Variants in TENM3 observed in about 807,000 individuals in gnomAD.
TENM3 encodes the protein teneurin-3.
Under a neutral mutation model 255.1 loss-of-function variants are expected in TENM3, and 63 were observed. That is an observed-to-expected ratio of 0.25 (90% confidence interval 0.20 to 0.30). The LOEUF is 0.30. Among genes scored for constraint, TENM3 ranks in the 10% least tolerant of loss-of-function variants. The pLI is 1.00. For synonymous variants in TENM3, 1,306 were observed against 1,322.3 expected, an observed-to-expected ratio of 0.99 and a Z score of 0.27; for missense variants, 2,929 against 3,461.1, an observed-to-expected ratio of 0.85 and a Z score of 3.86.
At chr4:181,726,241 A>G in the TENM3 span, among the ~76,000 whole-genome samples, 1 of 152,190 alleles carries the variant, frequency 6.6e-6, no homozygotes. Context: ...CACCTACTAT[A>G]TGCTAAATGA....
At chr4:182,772,645 A>G (rs1264767348) in intron 22 of TENM3, 1 of 152,036 alleles carries the variant, frequency 6.6e-6, no homozygotes. Flanking sequence ...TCAATTCTTC[A>G]GTCAAATGTT....
the TENM3 span, among the ~76,000 whole-genome samples, chr4:181,974,756 A>T: frequency 1.1e-4 from 17 of 152,300 alleles, no homozygotes; most frequent in African/African-American, 4.1e-4. Context: ...CAGAACTGAT[A>T]TGATCTTACT....
intron 6 of TENM3, among the ~76,000 whole-genome samples, chr4:182,656,627 A>G (rs1055437385): frequency 5.7e-4 from 87 of 152,300 alleles, no homozygotes; most frequent in African/African-American, 2.0e-3. Context: ...ACCCTTGAGA[A>G]AGCTTTAGAA....
At chr4:181,648,264 T>C in the TENM3 span, among the ~76,000 whole-genome samples, 5 of 152,278 alleles carry the variant, frequency 3.3e-5, no homozygotes, top group East Asian at 1.9e-4. Context: ...CGCTAGAACA[T>C]GGAGATACGG....
chr4:181,451,309 A>G, the TENM3 span, among the ~76,000 whole-genome samples: 2 of 152,160 alleles, frequency 1.3e-5, no homozygotes, highest in African/African-American at 4.8e-5. Flanking sequence ...CAAACAGAGA[A>G]AAAAACAGGA....
the TENM3 span, among the ~76,000 whole-genome samples, chr4:181,706,006 A>C: frequency 6.6e-6 from 1 of 152,176 alleles, no homozygotes; most frequent in Non-Finnish European, 1.5e-5. Context: ...TGCTGTAACA[A>C]ATACTGGATG....
chr4:181,752,918 G>A, the TENM3 span, among the ~76,000 whole-genome samples: 3 of 152,118 alleles, frequency 2.0e-5, no homozygotes, highest in African/African-American at 7.2e-5. Flanking sequence ...CCATGTGCTG[G>A]AATGAGTTTA....
intron 3 of TENM3, among the ~76,000 whole-genome samples, chr4:182,491,465 ATTAAT>A (rs1253723157): frequency 2.0e-5 from 3 of 152,034 alleles, no homozygotes; most frequent in African/African-American, 7.2e-5. Context: ...AATGTTTTTG[ATTAAT>A]TTATATAAAC....
chr4:182,707,958 A>G (rs968321543), intron 12 of TENM3: 2 of 150,746 alleles, frequency 1.3e-5, no homozygotes, highest in African/African-American at 4.9e-5. Flanking sequence ...AGCTCCTTTC[A>G]TCAGTTTTTT....
At chr4:181,448,758 T>A in the TENM3 span, among the ~76,000 whole-genome samples, 1 of 152,214 alleles carries the variant, frequency 6.6e-6, no homozygotes, top group Admixed American at 6.5e-5. Context: ...TTGTTGGTCG[T>A]GGTGATTATG....
chr4:181,738,354 T>G, the TENM3 span, among the ~76,000 whole-genome samples: 1 of 152,210 alleles, frequency 6.6e-6, no homozygotes, highest in African/African-American at 2.4e-5. Context: ...TCTGTTCTTT[T>G]GAGCCAGAGC....
the TENM3 span, among the ~76,000 whole-genome samples, chr4:181,612,706 A>T: frequency 7.7e-3 from 1,169 of 152,240 alleles, 16 homozygotes; most frequent in African/African-American, 0.026. Context: ...TAAACCATCG[A>T]ATAGCAAGAA....
rs560307631 is a variant in TENM3 at position 182,759,384 on chromosome 4, G to C, written c.4892+4125G>C. On this transcript the variant is annotated intron_variant, in intron 22 of 27. Coordinates refer to ENST00000511685, the MANE Select transcript of TENM3 (RefSeq NM_001080477.4). ...AAACCAGAAGCTGGCATTTGCCAAC[G>C]CTCCACTGAGAGAACACCTATAAAT... Among the ~76,000 whole-genome samples, 72 of 152,306 alleles carry C rather than the reference G, an allele frequency of 4.7e-4. No individual in the cohort carries two copies. The South Asian group carries it at 0.014, about 31-fold the overall frequency.
At position 182,316,793 on chromosome 4, in the gene TENM3, C is replaced by G. The variant is rs118103130; in HGVS notation, c.-75-7153C>G. The stretch of plus-strand genomic sequence containing the variant: ...CTTTCTCCAAGTGGCTCTCTTTTCT[C>G]TAGCAACTTGTCCTGCAAATTCTTA... On this transcript the variant is annotated intron_variant, in intron 1 of 27. Coordinates refer to ENST00000511685, the MANE Select transcript of TENM3 (RefSeq NM_001080477.4). Among the ~76,000 whole-genome samples the G allele has an allele frequency of 2.1e-3, 320 of 152,312 alleles. 8 individuals are homozygous for G. The East Asian group carries it at 0.058, about 28-fold the overall frequency.
intron 1 of TENM3, among the ~76,000 whole-genome samples, chr4:182,181,207 T>TA (rs1752819239): frequency 6.6e-6 from 1 of 152,264 alleles, no homozygotes; most frequent in Admixed American, 6.5e-5. Context: ...TCAGGACTGT[T>TA]TCATTTCTCC....
chr4:181,737,640 T>G, the TENM3 span, among the ~76,000 whole-genome samples: 9 of 152,252 alleles, frequency 5.9e-5, 1 homozygote, highest in African/African-American at 2.2e-4. Flanking sequence ...TGTTCTGTCC[T>G]CAGTCTATCA....
At chr4:182,760,677 G>A (rs866490475) in intron 22 of TENM3, among the ~76,000 whole-genome samples, 4 of 152,246 alleles carry the variant, frequency 2.6e-5, no homozygotes, top group Middle Eastern at 6.8e-3. Flanking sequence ...CATTATGTAG[G>A]TATATATGGG....
chr4:181,720,842 G>C, the TENM3 span, among the ~76,000 whole-genome samples: 4 of 152,144 alleles, frequency 2.6e-5, no homozygotes, highest in Admixed American at 1.3e-4. Flanking sequence ...AAGTTTTCTT[G>C]TGTGAGTCAT....
the TENM3 span, among the ~76,000 whole-genome samples, chr4:182,086,440 T>C: frequency 6.6e-6 from 1 of 152,216 alleles, no homozygotes; most frequent in African/African-American, 2.4e-5. Flanking sequence ...TGTCTTTTCT[T>C]GCCACGTGTA....
Sources: allele counts gnomAD v4.1 joint callset (sites outside exome capture counted in the v4.1 genomes callset), GRCh38; gene constraint gnomAD v4.1.1; transcripts MANE v1.5; gene names NCBI Gene and HGNC (gene_info 2026-07-23, HGNC 2026-07-21).